ANO1: variants seen among roughly 807,000 people sequenced by gnomAD.
The protein encoded by ANO1 is anoctamin 1.
ANO1 carries 59 observed loss-of-function variants against 124.0 expected under a neutral mutation model. The ratio of observed to expected loss-of-function variants is 0.48; its 90% CI spans 0.39 to 0.59. ANO1 has a LOEUF of 0.59. Ranked by LOEUF, ANO1 falls within the 20% of genes least tolerant of loss-of-function variation. The pLI, the probability that ANO1 is intolerant of heterozygous loss-of-function variation, is 0.00. For missense variants in ANO1, 1,059 were observed against 1,328.0 expected, an observed-to-expected ratio of 0.80 and a Z score of 3.15; for synonymous variants, 529 against 532.0, an observed-to-expected ratio of 0.99 and a Z score of 0.08.
chr11:70,125,704 C>T (rs1374685625), intron 9 of ANO1, among the ~76,000 whole-genome samples: 2 of 150,034 alleles, frequency 1.3e-5, no homozygotes, highest in Non-Finnish European at 3.0e-5. Flanking sequence ...ATTAGCCGGG[C>T]GTGGTGGCGG....
At chr11:69,983,405 C>T (rs1159249028), upstream of ANO1, among the ~76,000 whole-genome samples, 4 of 152,192 alleles carry the variant, frequency 2.6e-5, no homozygotes, top group South Asian at 2.1e-4. Context: ...TACTGTATTC[C>T]GTAATGACGG....
intron 1 of ANO1, among the ~76,000 whole-genome samples, chr11:70,016,871 G>C (rs1856712286): frequency 6.6e-6 from 1 of 152,220 alleles, no homozygotes; most frequent in African/African-American, 2.4e-5. Context: ...CCATTTCCCA[G>C]CTGCTTGTCT....
intron 5 of ANO1, among the ~76,000 whole-genome samples, chr11:70,107,470 A>T (rs2045592976): frequency 1.3e-5 from 1 of 78,720 alleles, no homozygotes; most frequent in African/African-American, 5.0e-5. Flanking sequence ...GGTTGTTGGG[A>T]CAGGTGGGTC....
Position 70,003,315 on chromosome 11 carries a change from G to A in ANO1, c.58+17149G>A, listed in dbSNP as rs114055609. ...GATGCTCATCAAACAGGCAAAATCG[G>A]TCAATATTACAATGGTTCAGCCTGT... On this transcript the variant is annotated intron_variant, in intron 1 of 27. Transcript: ENST00000531349. Among the ~76,000 whole-genome samples the A allele has an allele frequency of 4.9e-3, 743 of 152,240 alleles. 6 individuals carry two copies. Among genetic ancestry groups the A allele is most frequent in the African/African-American group, 0.017 (697 of 41,540 alleles).
upstream of ANO1, among the ~76,000 whole-genome samples, chr11:69,981,845 A>G (rs1855962512): frequency 6.6e-6 from 1 of 152,276 alleles, no homozygotes; most frequent in South Asian, 2.1e-4. Flanking sequence ...ACCATGGAAT[A>G]TTATTCAGCC....
intron 11 of ANO1, among the ~76,000 whole-genome samples, chr11:70,137,308 T>A (rs2046986932): frequency 1.4e-5 from 2 of 144,616 alleles, no homozygotes; most frequent in African/African-American, 4.9e-5. Context: ...TGAAGCCACA[T>A]CTCTCTGAGC....
chr11:70,152,357 A>AAAAAT, intron 12 of ANO1, 93 bp from the exon 13 acceptor site: 2 of 922,372 alleles, frequency 2.2e-6, no homozygotes, highest in Middle Eastern at 2.8e-4. Context: ...AAAAAAAAAA[A>AAAAAT]GTTGTCCTTA....
intron 1 of ANO1, among the ~76,000 whole-genome samples, chr11:70,061,723 C>T (rs1555007773): frequency 6.6e-6 from 1 of 152,074 alleles, no homozygotes; most frequent in Non-Finnish European, 1.5e-5. Flanking sequence ...AGCAGAGCTC[C>T]CCATGATGCT....
At chr11:70,033,807 A>G (rs998248794) in intron 1 of ANO1, among the ~76,000 whole-genome samples, 3 of 152,174 alleles carry the variant, frequency 2.0e-5, no homozygotes, top group Admixed American at 6.5e-5. Context: ...GAGTGGAGTC[A>G]TTGCCAAGAG....
In ANO1 at chr11:70,100,722, T is replaced by C. The variant is rs1352921001; in HGVS notation, c.442-2344T>C. On this transcript the variant is annotated intron_variant, in intron 2 of 25. Transcript: ENST00000355303. ...GTGAAATGAGGATGATGACAGGACC[T>C]GCCTCACAGGCTTGCAGTGAGGATA... is the stretch of plus-strand genomic sequence containing the variant. 2.0e-5 allele frequency among the ~76,000 whole-genome samples: 3 copies of C among 152,220 alleles called. No homozygotes were observed. In the East Asian group the frequency reaches 5.8e-4, roughly 29 times the overall value.
intron 11 of ANO1, among the ~76,000 whole-genome samples, chr11:70,132,700 T>C (rs1444543821): frequency 6.6e-6 from 1 of 152,172 alleles, no homozygotes; most frequent in Non-Finnish European, 1.5e-5. Flanking sequence ...TTTCGGGGCT[T>C]GGGAGGTTGG....
At chr11:70,000,024 G>C (rs140523208) in intron 1 of ANO1, among the ~76,000 whole-genome samples, 2 of 152,134 alleles carry the variant, frequency 1.3e-5, no homozygotes, top group Non-Finnish European at 2.9e-5. Flanking sequence ...CCAAATGCTC[G>C]CTGCTGCCAA....
At chr11:70,102,936 A>G (rs2045334709) in intron 2 of ANO1, 130 bp from the exon 3 acceptor site, 1 of 645,968 alleles carries the variant, frequency 1.5e-6, no homozygotes, top group Admixed American at 3.1e-5. Flanking sequence ...TCAACGTGGA[A>G]TGAGGCCGCG....
intron 11 of ANO1, among the ~76,000 whole-genome samples, chr11:70,137,373 C>T (rs1333183523): frequency 7.1e-6 from 1 of 141,074 alleles, no homozygotes; most frequent in Non-Finnish European, 1.6e-5. Context: ...CTGCCTGCCT[C>T]CCTGGACGCT....
chr11:70,066,277 G>A (rs568905427), intron 1 of ANO1, among the ~76,000 whole-genome samples: 3 of 152,288 alleles, frequency 2.0e-5, no homozygotes, highest in Admixed American at 1.3e-4. Context: ...AGCTGCCCTC[G>A]TGGGCACTAA....
At chr11:70,066,968 G>A (rs1415757588) in intron 1 of ANO1, among the ~76,000 whole-genome samples, 3 of 152,322 alleles carry the variant, frequency 2.0e-5, no homozygotes, top group Non-Finnish European at 2.9e-5. Flanking sequence ...GCCCCCCAGC[G>A]GGGAGGCCAG....
At chr11:70,090,642 C>T (rs1253285313) in intron 2 of ANO1, among the ~76,000 whole-genome samples, 1 of 152,178 alleles carries the variant, frequency 6.6e-6, no homozygotes, top group African/African-American at 2.4e-5. Context: ...CTTTCCAAGT[C>T]TCATTAAATA....
intron 2 of ANO1, among the ~76,000 whole-genome samples, chr11:70,090,620 C>T (rs533566669): frequency 3.3e-5 from 5 of 152,134 alleles, no homozygotes; most frequent in South Asian, 2.1e-4. Flanking sequence ...GCAAGAAGGA[C>T]GAGAAAAGAC....
chr11:70,053,711 G>T (rs1326576769), intron 1 of ANO1, among the ~76,000 whole-genome samples: 1 of 152,126 alleles, frequency 6.6e-6, no homozygotes, highest in Non-Finnish European at 1.5e-5. Flanking sequence ...AATTCATTGG[G>T]AAATGGTCTC....
Sources: allele counts gnomAD v4.1 joint callset (sites outside exome capture counted in the v4.1 genomes callset), GRCh38; gene constraint gnomAD v4.1.1; transcripts MANE v1.5; gene names NCBI Gene and HGNC (gene_info 2026-07-23, HGNC 2026-07-21).